The following MOV10L1 variants were observed in gnomAD, a reference collection of about 807,000 sequenced individuals.
The protein encoded by MOV10L1 is Mov10 like RNA helicase 1, also known as RNA helicase Mov10l1.
MOV10L1 carries 110 observed loss-of-function variants against 143.8 expected under a neutral mutation model. That is an observed-to-expected ratio of 0.76 (90% CI 0.66 to 0.90). The LOEUF is 0.90. Among genes scored for constraint, MOV10L1 ranks in the 40% least tolerant of loss-of-function variants. MOV10L1 has a pLI of 0.00. For missense variants in MOV10L1, 1,406 were observed against 1,526.8 expected (o/e 0.92, Z 1.32); for synonymous variants, 593 against 581.1 (o/e 1.02, Z -0.29).
rs563478935 is a variant in MOV10L1, at chr22:50,100,271, G to A, written c.442+669G>A. 5.3e-5 allele frequency among the ~76,000 whole-genome samples: 8 copies of A among 152,202 alleles called. No homozygotes were observed. In the South Asian group the frequency reaches 1.7e-3, roughly 32 times the overall value. On this transcript the variant is annotated intron_variant, in intron 3 of 26. Coordinates refer to ENST00000262794, the MANE Select transcript of MOV10L1 (RefSeq NM_018995.3). The stretch of plus-strand genomic sequence containing the variant: ...GCCTCCTAAAGTGCTGGGATTACAG[G>A]CATGAGCCACCACACCCAGCCAGGT...
At chr22:50,146,320 C>T (rs946119756) in intron 19 of MOV10L1, among the ~76,000 whole-genome samples, 2 of 151,984 alleles carry the variant, frequency 1.3e-5, no homozygotes, top group East Asian at 1.9e-4. Context: ...GTGTCCCTGG[C>T]GCTGGGGGCT....
At position 50,091,983 on chromosome 22, in the gene MOV10L1, T is replaced by C. The variant is rs1470766185; in HGVS notation, c.98-18T>C. The C allele has an allele frequency of 6.2e-7, 1 of 1,607,520 alleles. No homozygotes were observed. ...TTGCTTTTATGGCCAAGATAACTTC[T>C]TTGTTTACCTACCTCAGGTGACACT... On this transcript the variant is annotated intron_variant, in intron 1 of 26. Coordinates refer to ENST00000262794, the MANE Select transcript of MOV10L1 (RefSeq NM_018995.3).
intron 10 of MOV10L1, among the ~76,000 whole-genome samples, chr22:50,124,475 C>G (rs762617546): frequency 6.6e-6 from 1 of 152,062 alleles, no homozygotes; most frequent in Non-Finnish European, 1.5e-5. Context: ...TTCTTTTCTT[C>G]CTGTTCTTGT....
At chr22:50,090,220 G>C in intron 1 of MOV10L1, 35 bp downstream of exon 1, 1 of 1,408,510 alleles carries the variant, frequency 7.1e-7, no homozygotes, top group Non-Finnish European at 9.2e-7. Flanking sequence ...GGCGGGTCCC[G>C]GGCCCTCGCG....
chr22:50,130,711 G>A (rs1005646050), intron 13 of MOV10L1, among the ~76,000 whole-genome samples: 7 of 152,210 alleles, frequency 4.6e-5, no homozygotes, highest in Non-Finnish European at 8.8e-5. Flanking sequence ...ACCACAGGGA[G>A]CAGCAGCGCT....
chr22:50,108,393 A>G (rs1159432754), intron 4 of MOV10L1, 145 bp downstream of exon 4: 2 of 835,912 alleles, frequency 2.4e-6, no homozygotes, highest in Admixed American at 2.0e-5. Context: ...GTGTTTTCCT[A>G]TTGACAATGC....
intron 5 of MOV10L1, among the ~76,000 whole-genome samples, chr22:50,113,419 C>T (rs919335343): frequency 1.3e-5 from 2 of 152,178 alleles, no homozygotes; most frequent in Non-Finnish European, 2.9e-5. Context: ...AGACTCCTTG[C>T]CTGTGGCTGT....
At chr22:50,139,951 C>G (rs922397832) in intron 15 of MOV10L1, among the ~76,000 whole-genome samples, 6 of 152,254 alleles carry the variant, frequency 3.9e-5, no homozygotes, top group Admixed American at 1.3e-4. Flanking sequence ...TTTTAAGAAG[C>G]TGGACGCGCA....
chr22:50,098,814 T>C (rs1602123546), intron 2 of MOV10L1, among the ~76,000 whole-genome samples: 1 of 152,324 alleles, frequency 6.6e-6, no homozygotes, highest in East Asian at 1.9e-4. Context: ...AGATTTTTGT[T>C]TATGGCCTTT....
chr22:50,103,916 G>T (rs180813334), intron 3 of MOV10L1, among the ~76,000 whole-genome samples: 3 of 152,192 alleles, frequency 2.0e-5, no homozygotes. Context: ...TACATTTATT[G>T]TGCACTTTAT....
chr22:50,146,389 C>G (rs962152111), intron 19 of MOV10L1, among the ~76,000 whole-genome samples: 3 of 152,008 alleles, frequency 2.0e-5, no homozygotes, highest in Non-Finnish European at 4.4e-5. Flanking sequence ...ATAGGAGGAC[C>G]TCCCCTGGGG....
In MOV10L1 at chr22:50,148,036, C is replaced by T. The variant is rs188687951; in HGVS notation, c.2628-1579C>T. On this transcript the variant is annotated intron_variant, in intron 19 of 26. Coordinates refer to ENST00000262794, the MANE Select transcript of MOV10L1 (RefSeq NM_018995.3). ...CACAGGGTCTCACCCCACAGTGGGACACCTGAGGCTCAGAGGTGATGGATT... is the reference window on the plus strand; with the variant it reads ...CACAGGGTCTCACCCCACAGTGGGATACCTGAGGCTCAGAGGTGATGGATT... Among the ~76,000 whole-genome samples, 22 of 152,364 alleles carry T rather than the reference C, an allele frequency of 1.4e-4. No individual in the cohort carries two copies. In the East Asian group the frequency reaches 3.9e-3, roughly 27 times the overall value.
chr22:50,133,686 G>A (rs753920188), intron 13 of MOV10L1, among the ~76,000 whole-genome samples: 2 of 151,876 alleles, frequency 1.3e-5, no homozygotes, highest in African/African-American at 2.4e-5. Context: ...GATTACAGGC[G>A]TGCACCACCA....
At chr22:50,132,570 T>C (rs1602268921) in intron 13 of MOV10L1, among the ~76,000 whole-genome samples, 1 of 152,258 alleles carries the variant, frequency 6.6e-6, no homozygotes, top group Non-Finnish European at 1.5e-5. Flanking sequence ...ATGGCTGTTA[T>C]AAACAGTAAA....
chr22:50,148,271 C>T (rs2063204536), intron 19 of MOV10L1, among the ~76,000 whole-genome samples: 1 of 152,232 alleles, frequency 6.6e-6, no homozygotes, highest in Admixed American at 6.5e-5. Context: ...GGCCTCCTGA[C>T]CACAGAGCAG....
intron 12 of MOV10L1, among the ~76,000 whole-genome samples, chr22:50,127,139 G>A (rs1335437436): frequency 6.6e-6 from 1 of 152,114 alleles, no homozygotes; most frequent in Non-Finnish European, 1.5e-5. Flanking sequence ...GACATGAGGA[G>A]CCCAAGATGG....
In MOV10L1 at chr22:50,107,175, C is replaced by T. The variant is rs112627143; in HGVS notation, c.443-961C>T. Among the ~76,000 whole-genome samples the T allele has an allele frequency of 3.5e-3, 523 of 148,862 alleles. 11 individuals carry two copies. Among genetic ancestry groups the T allele is most frequent in the African/African-American group, 0.012 (493 of 40,066 alleles). ...CTGCAAACTCCACCTCCCGGGTTCA[C>T]GCCATTCTCCTGCCTCAGCCTCCCG... On this transcript the variant is annotated intron_variant, in intron 3 of 26. Coordinates refer to ENST00000262794, the MANE Select transcript of MOV10L1 (RefSeq NM_018995.3).
rs2147104014 is a variant in MOV10L1, at chr22:50,108,187, C to T, written c.494C>T (p.Pro165Leu). The T allele has an allele frequency of 1.2e-6, 2 of 1,614,104 alleles. No individual in the cohort carries two copies. Among genetic ancestry groups the T allele is most frequent in the East Asian group, 2.2e-5 (1 of 44,872 alleles). Residue 165 changes from proline to leucine, a missense_variant, in exon 4 of 27, where the codon CCT becomes CTT. Transcript: ENST00000262794. ...DWVEAEYRIR[P>L]GTWSSEATSV... ...GTGGAGGCTGAGTACCGGATCCGGC[C>T]TGGCACGTGGAGCAGCGAAGCCACC...
intron 19 of MOV10L1, among the ~76,000 whole-genome samples, chr22:50,147,867 T>A (rs577821944): frequency 2.0e-4 from 31 of 152,358 alleles, no homozygotes; most frequent in Non-Finnish European, 4.1e-4. Context: ...TGGGAGGGGT[T>A]CACGGTGTCA....
Sources: allele counts gnomAD v4.1 joint callset (sites outside exome capture counted in the v4.1 genomes callset), GRCh38; gene constraint gnomAD v4.1.1; transcripts MANE v1.5; gene names NCBI Gene and HGNC (gene_info 2026-07-23, HGNC 2026-07-21).